Variants in HCN2 observed in about 807,000 individuals in gnomAD.
HCN2 encodes potassium/sodium hyperpolarization-activated cyclic nucleotide-gated channel 2.
HCN2 carries 20 observed loss-of-function variants against 52.3 expected under a neutral mutation model. The ratio of observed to expected loss-of-function variants is 0.38; its 90% CI spans 0.27 to 0.56. The LOEUF (loss-of-function observed/expected upper bound fraction) is 0.56, where lower values mean the gene tolerates loss of function less well. HCN2 is among the 20% of genes least tolerant of loss of function. The pLI is 0.71. For missense variants in HCN2, 981 were observed against 1,207.7 expected, an observed-to-expected ratio of 0.81 and a Z score of 2.78; for synonymous variants, 694 against 537.0, an observed-to-expected ratio of 1.29 and a Z score of -4.04.
At position 617,014 on chromosome 19, in the gene HCN2, C is replaced by T. The variant is rs1027767316; in HGVS notation, c.*540C>T. 4.2e-5 allele frequency: 21 copies of T among 501,198 alleles called. No individual in the cohort carries two copies. The highest frequency in any genetic ancestry group is 5.5e-5 in the Non-Finnish European group (15 of 272,820). 31.0% of individuals were successfully genotyped at this position (501,198 alleles called of 1,614,324 possible). ...TGGCACCGAGAGGCAGGCCTGGCTG[C>T]GCAGGGCGCGGGGGGGAGGCTGGGG... is the stretch of plus-strand genomic sequence containing the variant. On this transcript the variant is annotated 3_prime_UTR_variant, in exon 8 of 8. Transcript: ENST00000251287.
intron 1 of HCN2, among the ~76,000 whole-genome samples, chr19:593,518 G>T (rs1398311922): frequency 6.6e-6 from 1 of 152,230 alleles, no homozygotes; most frequent in Non-Finnish European, 1.5e-5. Context: ...TACTCGGGAG[G>T]CTGAGGCAGG....
In HCN2 at chr19:616,390, C is replaced by T. The variant is rs1568370659; in HGVS notation, c.2586C>T (p.Asp862=). The T allele has an allele frequency of 1.6e-6, 2 of 1,242,606 alleles. No individual in the cohort carries two copies. Among genetic ancestry groups the T allele is most frequent in the Non-Finnish European group, 1.0e-6 (1 of 986,292 alleles). 77.0% of individuals were successfully genotyped at this position (1,242,606 alleles called of 1,614,324 possible). ...PAARAAAPSP[D]RRDSASPGAA... is the part of the protein sequence containing the mutation. ...CCCGGGCCGCCGCGCCCAGCCCGGA[C>T]CGCAGGGACTCGGCCTCACCCGGCG... The change falls in exon 8 of 8, where the codon GAC becomes GAT. Residue 862 remains aspartate (D), a synonymous_variant. Transcript: ENST00000251287.
Position 590,800 on chromosome 19 carries a change from T to A in HCN2, c.632+223T>A. 6.9e-6 allele frequency: 2 copies of A among 290,206 alleles called. No individual in the cohort carries two copies. The highest frequency in any genetic ancestry group is 1.1e-4 in the East Asian group (2 of 17,498). 18.0% of individuals were successfully genotyped at this position (290,206 alleles called of 1,614,324 possible). A position where few individuals can be genotyped will look rare whatever the true frequency, so the allele number is the denominator to read the frequency against. On this transcript the variant is annotated intron_variant, in intron 1 of 7. Transcript: ENST00000251287. This position sits in a 1 kb window ranked among gnomAD's most constrained non-coding sequence, Gnocchi z 7.2. ...CCCGGGTGACCGCGGAGCGCCCCCC[T>A]CCCACGCACCCCGACATCCTCCGCC...
rs765859503 is a variant in HCN2, at chr19:613,392, A to G, written c.1729A>G (p.Ile577Val). ...TGACTACATCATCCGCGAAGGCACC[A>G]TCGGGAAGAAGATGTACTTCATCCA... ...PGDYIIREGTIGKKMYFIQHG... is the reference protein window; with the variant it reads ...PGDYIIREGTVGKKMYFIQHG... The change falls in exon 6 of 8, where the codon ATC (isoleucine) becomes GTC (valine). Residue 577 changes from isoleucine to valine, a missense_variant. Ile to Val is a conservative substitution (Grantham distance 29). Coordinates refer to ENST00000251287, the MANE Select transcript of HCN2 (RefSeq NM_001194.4). 2 of 1,612,742 alleles carry G rather than the reference A, an allele frequency of 1.2e-6. No homozygotes were observed. The highest frequency in any genetic ancestry group is 2.2e-5 in the East Asian group (1 of 44,856).
chr19:615,970 G>A lies in HCN2; in HGVS notation c.2166G>A (p.Gln722=). ...GLFPPPPPPP[Q]VTSAIATLQQ... ...TCCCGCCGCCGCCGCCGCCGCCGCA[G>A]GTCACCTCGGCCATCGCCACGCTGC... The change falls in exon 8 of 8, where the codon CAG becomes CAA. Residue 722 remains glutamine (Q), a synonymous_variant. Transcript: ENST00000251287. 6.2e-7 allele frequency: 1 copy of A among 1,600,914 alleles called. No individual in the cohort carries two copies. Among genetic ancestry groups the A allele is most frequent in the Non-Finnish European group, 8.5e-7 (1 of 1,176,318 alleles).
rs1983977022 is a variant in HCN2, at chr19:616,903, C to T, written c.*429C>T. ...CCCGCCGGCTTCCCGCTGCCCCCATCGCGCTCACGCAATAACCGGCCCGGC... is the reference window on the plus strand; with the variant it reads ...CCCGCCGGCTTCCCGCTGCCCCCATTGCGCTCACGCAATAACCGGCCCGGC... On this transcript the variant is annotated 3_prime_UTR_variant, in exon 8 of 8. Transcript: ENST00000251287. The T allele has an allele frequency of 6.6e-6, 2 of 304,088 alleles. No individual in the cohort carries two copies. Among genetic ancestry groups the T allele is most frequent in the South Asian group, 3.2e-5 (1 of 31,418 alleles). The allele number at this position is 304,088 out of a possible 1,614,324, so 18.8% of individuals were successfully genotyped here.
chr19:590,579 T>A lies in HCN2; in HGVS notation c.632+2T>A. ...CATCCACCCGTACAGCGACTTCAGG[T>A]ACCGCCTCCGGGAGGGCCGGTCGGC... On this transcript the variant is annotated splice_donor_variant, in intron 1 of 7. Transcript: ENST00000251287. LOFTEE classifies it high-confidence loss of function. This position sits in a 1 kb window ranked among gnomAD's most constrained non-coding sequence, Gnocchi z 7.2. The A allele has an allele frequency of 1.4e-6, 2 of 1,416,340 alleles. No individual in the cohort carries two copies. Among genetic ancestry groups the A allele is most frequent in the Non-Finnish European group, 1.9e-6 (2 of 1,067,990 alleles). The allele number at this position is 1,416,340 out of a possible 1,614,324, so 87.7% of individuals were successfully genotyped here. A position where few individuals can be genotyped will look rare whatever the true frequency, so the allele number is the denominator to read the frequency against.
intron 2 of HCN2, among the ~76,000 whole-genome samples, chr19:604,498 G>C (rs1983333121): frequency 6.9e-6 from 1 of 145,820 alleles, no homozygotes; most frequent in Non-Finnish European, 1.5e-5. Flanking sequence ...GTGATATCTG[G>C]GTGGGGTCAA....
intron 1 of HCN2, among the ~76,000 whole-genome samples, chr19:599,605 C>T (rs891093216): frequency 1.3e-5 from 2 of 151,570 alleles, no homozygotes; most frequent in Admixed American, 6.6e-5. Context: ...TGGTGAAACC[C>T]CGTCTCTACT....
In HCN2 at chr19:603,264, TG is replaced by T. The variant is rs61673666; in HGVS notation, c.633-274del. 3.8e-3 allele frequency among the ~76,000 whole-genome samples: 110 copies of T among 28,950 alleles called. 6 individuals carry two copies. The highest frequency in any genetic ancestry group is 0.018 in the South Asian group (9 of 502). The allele number at this position is 28,950 out of a possible 152,430, so 19.0% of individuals were successfully genotyped here. On this transcript the variant is annotated intron_variant, in intron 1 of 7. Transcript: ENST00000251287. The stretch of plus-strand genomic sequence containing the variant: ...GCCCGGGGCTGGTCCCATAGGTGCC[TG>T]GGGGGAAGGCACCAGCCTGAGGTGT...
At chr19:598,471 A>G (rs1983104110) in intron 1 of HCN2, among the ~76,000 whole-genome samples, 1 of 151,576 alleles carries the variant, frequency 6.6e-6, no homozygotes, top group Non-Finnish European at 1.5e-5. Flanking sequence ...CACGCTGGCT[A>G]ATTTTTGTAT....
Position 592,465 on chromosome 19 carries a change from C to T in HCN2, c.632+1888C>T, listed in dbSNP as rs1050802256. 6.6e-6 allele frequency among the ~76,000 whole-genome samples: 1 copy of T among 152,066 alleles called. No individual in the cohort carries two copies. Among genetic ancestry groups the T allele is most frequent in the South Asian group, 2.1e-4 (1 of 4,828 alleles). On this transcript the variant is annotated intron_variant, in intron 1 of 7. Transcript: ENST00000251287. The surrounding 1 kb of genome is among the most constrained non-coding windows in gnomAD (Gnocchi z 4.8). ...CTTCCACCCTCCTTGGGCGTGGTCGCCTGGAGGCCTGGGCAGGCTGTGGCC... is the reference window on the plus strand; with the variant it reads ...CTTCCACCCTCCTTGGGCGTGGTCGTCTGGAGGCCTGGGCAGGCTGTGGCC...
chr19:607,426 C>G (rs537591206), intron 3 of HCN2, among the ~76,000 whole-genome samples: 53 of 152,328 alleles, frequency 3.5e-4, no homozygotes, highest in African/African-American at 1.2e-3. Context: ...GGAAGACCCG[C>G]CAGTGCCCCT....
In HCN2 at chr19:612,431, A is replaced by T. The variant is rs1390468863; in HGVS notation, c.1585-817A>T. On this transcript the variant is annotated intron_variant, in intron 5 of 7. Coordinates refer to ENST00000251287, the MANE Select transcript of HCN2 (RefSeq NM_001194.4). ...GTGTGTGTGTGTGTGTGTGTGTGAG[A>T]GAGAGATGGAGTCTCGCTCTGTCAC... Among the ~76,000 whole-genome samples the T allele has an allele frequency of 2.8e-3, 183 of 64,406 alleles. 1 individual carries two copies. Among genetic ancestry groups the T allele is most frequent in the African/African-American group, 5.8e-3 (142 of 24,562 alleles). 42.3% of individuals were successfully genotyped at this position (64,406 alleles called of 152,430 possible).
At chr19:605,311 T>A (rs1264603884) in intron 3 of HCN2, 89 bp downstream of exon 3, 1 of 1,179,290 alleles carries the variant, frequency 8.5e-7, no homozygotes. Context: ...TACAGAGGGT[T>A]GAACCCAAGC....
Position 590,157 on chromosome 19 carries a change from C to G in HCN2, c.212C>G (p.Pro71Arg). ...CCGGAGGCGGCGGATGAGGGCGGCC[C>G]GCGGGGCCGGCTCCGCAGCCGCGAC... The part of the protein sequence containing the change: ...LPPEAADEGG[P>R]RGRLRSRDSS... The change falls in exon 1 of 8, where the codon CCG (proline) becomes CGG (arginine). Residue 71 changes from proline to arginine, a missense_variant. Pro to Arg is a moderately radical substitution (Grantham distance 103, BLOSUM62 -2). This residue lies in a region of HCN2 where 215 missense variants were observed against 179.4 expected (regional missense o/e 1.20). Coordinates refer to ENST00000251287, the MANE Select transcript of HCN2 (RefSeq NM_001194.4). The surrounding 1 kb of genome is among the most constrained non-coding windows in gnomAD (Gnocchi z 7.2). 1.0e-6 allele frequency: 1 copy of G among 975,216 alleles called. No individual in the cohort carries two copies. The highest frequency in any genetic ancestry group is 1.2e-6 in the Non-Finnish European group (1 of 824,704). 60.4% of individuals were successfully genotyped at this position (975,216 alleles called of 1,614,324 possible).
At chr19:614,211 AGCGGCT>A (rs1983801374) in intron 7 of HCN2, among the ~76,000 whole-genome samples, 195 bp downstream of exon 7, 1 of 152,138 alleles carries the variant, frequency 6.6e-6, no homozygotes, top group African/African-American at 2.4e-5. Context: ...GGGCAGGGGC[AGCGGCT>A]GGCCGCTCCT....
intron 5 of HCN2, among the ~76,000 whole-genome samples, chr19:612,621 G>A (rs1004357347): frequency 1.1e-4 from 16 of 152,038 alleles, no homozygotes; most frequent in Admixed American, 6.5e-5. Flanking sequence ...CACCATGTTG[G>A]CCAGGCTGGT....
chr19:590,695 G>A lies in HCN2; in HGVS notation c.632+118G>A. ...GGCGCGCCGGGCCGGTGACCTCGGG[G>A]CTCCTCGGTGACCTCGGGCGTGTCC... On this transcript the variant is annotated intron_variant, in intron 1 of 7. Transcript: ENST00000251287. This position sits in a 1 kb window ranked among gnomAD's most constrained non-coding sequence, Gnocchi z 7.2. 6 of 761,758 alleles carry A rather than the reference G, an allele frequency of 7.9e-6. No individual in the cohort carries two copies. The highest frequency in any genetic ancestry group is 1.1e-5 in the Non-Finnish European group (6 of 567,548). The allele number at this position is 761,758 out of a possible 1,614,324, so 47.2% of individuals were successfully genotyped here.
Sources: allele counts gnomAD v4.1 joint callset (sites outside exome capture counted in the v4.1 genomes callset), GRCh38; gene constraint gnomAD v4.1.1; regional missense constraint gnomAD v4.1.1; non-coding constraint Gnocchi (gnomAD v3.1); transcripts MANE v1.5; gene names NCBI Gene and HGNC (gene_info 2026-07-23, HGNC 2026-07-21).